Variants in PSG9 observed in about 807,000 individuals in gnomAD.
PSG9 encodes the protein pregnancy-specific beta-1-glycoprotein 9.
A neutral mutation model predicts 41.9 loss-of-function variants in PSG9; 49 were observed. The ratio of observed to expected loss-of-function variants is 1.17; its 90% CI spans 0.93 to 1.48. The LOEUF is 1.48. Among genes scored for constraint, PSG9 ranks in the 40% most tolerant of loss-of-function variants. PSG9 has a pLI of 0.00. For missense variants in PSG9, 641 were observed against 520.3 expected (o/e 1.23, Z -2.26); for synonymous variants, 263 against 196.8 (o/e 1.34, Z -2.82).
intron 2 of PSG9, among the ~76,000 whole-genome samples, chr19:43,263,401 A>T (rs1338300077): frequency 6.6e-6 from 1 of 152,114 alleles, no homozygotes. Context: ...CCCAAATCTG[A>T]AAAATTTAAA....
rs753797701 is a variant in PSG9, at chr19:43,258,736, C to G, written c.988+121G>C. On this transcript the variant is annotated intron_variant, in intron 4 of 5. Transcript: ENST00000270077. ...TTCCCAGGGCAGGGAGTCATGGCCA[C>G]CTCGGATGTCTAGAAGTAAAGGTGT... The G allele has an allele frequency of 7.4e-5, 109 of 1,472,356 alleles. 10 individuals carry two copies. In the East Asian group the frequency reaches 7.8e-4, roughly 11 times the overall value. The allele number at this position is 1,472,356 out of a possible 1,614,324, so 91.2% of individuals were successfully genotyped here. A position where few individuals can be genotyped will look rare whatever the true frequency, so the allele number is the denominator to read the frequency against.
intron 5 of PSG9, among the ~76,000 whole-genome samples, chr19:43,254,169 C>A (rs1968364397): frequency 6.9e-6 from 1 of 145,824 alleles, no homozygotes; most frequent in Admixed American, 6.8e-5. Flanking sequence ...GCCCTGTGCT[C>A]AATACTTTAC....
intron 1 of PSG9, among the ~76,000 whole-genome samples, chr19:43,268,619 C>T (rs1969098600): frequency 1.3e-5 from 2 of 152,182 alleles, no homozygotes; most frequent in African/African-American, 2.4e-5. Context: ...TCTTCCTCCC[C>T]ATGACAGCGT....
intron 5 of PSG9, 21 bp from the exon 6 acceptor site, chr19:43,253,667 G>A (rs1198544302): frequency 8.2e-7 from 1 of 1,219,520 alleles, no homozygotes; most frequent in Admixed American, 1.9e-5. Context: ...GAAGGCCCAG[G>A]TCAGTGCATT....
intron 2 of PSG9, among the ~76,000 whole-genome samples, chr19:43,266,250 G>C (rs552154458): frequency 3.4e-4 from 52 of 152,180 alleles, no homozygotes; most frequent in East Asian, 1.4e-3. Flanking sequence ...GTTACATGAG[G>C]TGGGGTGGCT....
intron 5 of PSG9, 177 bp downstream of exon 5, chr19:43,258,025 A>G (rs966472984): frequency 6.5e-7 from 1 of 1,548,706 alleles, no homozygotes; most frequent in African/African-American, 1.5e-5. Context: ...AGAAAACAGA[A>G]AAACAAGGAG....
At chr19:43,257,516 C>T in intron 5 of PSG9, 1 of 978,310 alleles carries the variant, frequency 1.0e-6, no homozygotes, top group Non-Finnish European at 1.2e-6. Flanking sequence ...CAGCTGGTGA[C>T]TTCAGAGCCA....
chr19:43,260,327 T>C (rs1968650992), intron 3 of PSG9: 1 of 146,696 alleles, frequency 6.8e-6, no homozygotes, highest in Non-Finnish European at 1.5e-5. Flanking sequence ...ACAAAAAGTG[T>C]TTTGGATTTC....
At chr19:43,263,216 G>A (rs1296984556) in intron 2 of PSG9, among the ~76,000 whole-genome samples, 1 of 152,068 alleles carries the variant, frequency 6.6e-6, no homozygotes, top group Non-Finnish European at 1.5e-5. Flanking sequence ...TTGTTCCGTG[G>A]GTGTGCAGTT....
chr19:43,268,195 G>T (rs556361927), intron 1 of PSG9, 46 bp from the exon 2 acceptor site: 2 of 1,535,586 alleles, frequency 1.3e-6, no homozygotes, highest in Non-Finnish European at 1.8e-6. Context: ...CCTATGTATT[G>T]TGGTGAAAAG....
chr19:43,258,705 C>T lies in PSG9; in HGVS notation c.988+152G>A, dbSNP rs1298408683. ...ATTCTTGGTTAAGGCTGTGCCTACC[C>T]AGGTTTTCCCAGGGCAGGGAGTCAT... On this transcript the variant is annotated intron_variant, in intron 4 of 5. Coordinates refer to ENST00000270077, the MANE Select transcript of PSG9 (RefSeq NM_002784.5). 2.9e-5 allele frequency: 40 copies of T among 1,393,016 alleles called. 1 individual carries two copies. In the South Asian group the frequency reaches 4.9e-4, roughly 17 times the overall value. 86.3% of individuals were successfully genotyped at this position (1,393,016 alleles called of 1,614,324 possible).
At chr19:43,257,497 A>T (rs1968486915) in intron 5 of PSG9, 1 of 977,144 alleles carries the variant, frequency 1.0e-6, no homozygotes, top group Non-Finnish European at 1.2e-6. Flanking sequence ...CTGTGCCCAA[A>T]GCCTCATACA....
At chr19:43,259,417 A>G (rs1968604862) in intron 3 of PSG9, 1 of 508,058 alleles carries the variant, frequency 2.0e-6, no homozygotes, top group South Asian at 3.7e-5. Context: ...AGCCCCTGGT[A>G]CCCCTCCCAG....
Position 43,258,984 on chromosome 19 carries a change from C to A in PSG9, c.861G>T (p.Lys287Asn). 1 of 1,590,632 alleles carries A rather than the reference C, an allele frequency of 6.3e-7. No individual in the cohort carries two copies. The highest frequency in any genetic ancestry group is 8.5e-7 in the Non-Finnish European group (1 of 1,174,484). ...TGAGTATCCTGTTTTCAATGGGTCG[C>A]TTTACCCCGGGACTGACGGGGAGGC... ...GQSLPVSPGV[K>N]RPIENRILIL... Residue 287 changes from lysine to asparagine, a missense_variant, in exon 4 of 6, where the codon AAG becomes AAT. Transcript: ENST00000270077.
chr19:43,262,861 A>G (rs1161663864), intron 2 of PSG9, among the ~76,000 whole-genome samples: 1 of 152,172 alleles, frequency 6.6e-6, no homozygotes, highest in South Asian at 2.1e-4. Flanking sequence ...GACCAAGACC[A>G]TGTTCCCTGT....
chr19:43,265,869 G>A (rs1252580549), intron 2 of PSG9, among the ~76,000 whole-genome samples: 2 of 152,050 alleles, frequency 1.3e-5, no homozygotes, highest in African/African-American at 2.4e-5. Context: ...TAGTGACCTG[G>A]GGACATTGGC....
chr19:43,258,884 T>C lies in PSG9; in HGVS notation c.961A>G (p.Ser321Gly), dbSNP rs1426625096. 3.2e-6 allele frequency: 5 copies of C among 1,585,994 alleles called. 1 individual carries two copies. The South Asian group carries it at 3.3e-5, about 11-fold the overall frequency. Residue 321 changes from serine (S) to glycine (G), a missense_variant, in exon 4 of 6, where the codon AGT becomes GGT. Coordinates refer to ENST00000270077, the MANE Select transcript of PSG9 (RefSeq NM_002784.5). The stretch of plus-strand genomic sequence containing the variant: ...AGGACATTTAGGATGACTGGGTTAC[T>C]GCGGAGGCCACCATATCGGTCCCGT... ...EIRDRYGGLR[S>G]NPVILNVLYG...
intron 5 of PSG9, chr19:43,257,946 C>T: frequency 7.0e-7 from 1 of 1,429,156 alleles, no homozygotes; most frequent in Non-Finnish European, 9.1e-7. Flanking sequence ...GCCTCTTCTA[C>T]CACATAGGGC....
chr19:43,253,428 A>G lies in PSG9; in HGVS notation c.*181T>C. The G allele has an allele frequency of 2.3e-6, 1 of 426,654 alleles. No homozygotes were observed. The highest frequency in any genetic ancestry group is 4.1e-6 in the Non-Finnish European group (1 of 243,312). The allele number at this position is 426,654 out of a possible 1,614,324, so 26.4% of individuals were successfully genotyped here. ...GTATACTTTACCAATTGCTGAAGAA[A>G]AAAAGTTCATAAATCTGGAGAATAA... is the stretch of plus-strand genomic sequence containing the variant. On this transcript the variant is annotated 3_prime_UTR_variant, in exon 6 of 6. Coordinates refer to ENST00000270077, the MANE Select transcript of PSG9 (RefSeq NM_002784.5).
Sources: gnomAD v4.1 joint callset for allele counts (sites outside exome capture counted in the v4.1 genomes callset) on GRCh38, gnomAD v4.1.1 for gene constraint, MANE v1.5 for transcripts, NCBI Gene and HGNC (gene_info 2026-07-23, HGNC 2026-07-21) for gene names.